Variants in GPHN observed in about 807,000 individuals in gnomAD.
The protein encoded by GPHN is gephyrin.
Under a neutral mutation model 95.5 loss-of-function variants are expected in GPHN, and 17 were observed. The ratio of observed to expected loss-of-function variants is 0.18; its 90% CI spans 0.12 to 0.27. The LOEUF (loss-of-function observed/expected upper bound fraction) is 0.27. Among genes scored for constraint, GPHN ranks in the 10% least tolerant of loss-of-function variants. The pLI is 1.00. For missense variants in GPHN, 660 were observed against 978.1 expected, an observed-to-expected ratio of 0.67 and a Z score of 4.34; for synonymous variants, 320 against 322.5, an observed-to-expected ratio of 0.99 and a Z score of 0.08.
chr14:67,698,355 C>G, the GPHN span, among the ~76,000 whole-genome samples: 1 of 152,136 alleles, frequency 6.6e-6, no homozygotes, highest in Admixed American at 6.5e-5. Flanking sequence ...AGTCCCAGCT[C>G]TTTGGGAGGC....
At chr14:67,158,474 C>T (rs534320856) in intron 18 of GPHN, among the ~76,000 whole-genome samples, 167 of 152,116 alleles carry the variant, frequency 1.1e-3, no homozygotes, top group African/African-American at 3.8e-3. Flanking sequence ...TCAGCAATCC[C>T]GGTGAGATGA....
chr14:67,390,894 A>G, the GPHN span: 1 of 711,924 alleles, frequency 1.4e-6, no homozygotes, highest in Non-Finnish European at 2.6e-6. Context: ...ACCTGAGGAT[A>G]GCAATGACAT....
chr14:66,609,697 G>A (rs1274547194), intron 1 of GPHN, among the ~76,000 whole-genome samples: 1 of 152,044 alleles, frequency 6.6e-6, no homozygotes, highest in Admixed American at 6.6e-5. Context: ...CAAGCTCTGA[G>A]CTTCTTTTCT....
At chr14:67,396,967 C>T in the GPHN span, among the ~76,000 whole-genome samples, 3 of 144,262 alleles carry the variant, frequency 2.1e-5, no homozygotes, top group South Asian at 6.5e-4. Context: ...TTTGAGGAGT[C>T]TCATTCTGTC....
intron 17 of GPHN, among the ~76,000 whole-genome samples, chr14:67,139,914 C>T (rs1009385799): frequency 6.6e-6 from 1 of 152,032 alleles, no homozygotes; most frequent in African/African-American, 2.4e-5. Flanking sequence ...GAATATACTA[C>T]CCACAGAGTA....
intron 3 of GPHN, among the ~76,000 whole-genome samples, chr14:66,785,687 C>T (rs1460781631): frequency 6.8e-6 from 1 of 147,498 alleles, no homozygotes; most frequent in East Asian, 2.0e-4. Context: ...CATAGTATGT[C>T]CTCTGACCAT....
chr14:67,123,155 A>G (rs533196384), intron 17 of GPHN, among the ~76,000 whole-genome samples: 1 of 152,350 alleles, frequency 6.6e-6, no homozygotes, highest in East Asian at 1.9e-4. Flanking sequence ...GATCTGAGTG[A>G]TAAATACTCA....
chr14:66,821,281 C>T (rs1439568992), intron 3 of GPHN, among the ~76,000 whole-genome samples: 1 of 152,144 alleles, frequency 6.6e-6, no homozygotes, highest in Non-Finnish European at 1.5e-5. Context: ...TAAAAAGACT[C>T]AGTATCTAAT....
chr14:67,473,227 CCCCA>C, the GPHN span: 1 of 711,346 alleles, frequency 1.4e-6, no homozygotes, highest in Non-Finnish European at 2.3e-6. The surrounding 1 kb of genome is among the most constrained non-coding windows in gnomAD (Gnocchi z 6.5). Context: ...TGCCTCCACA[CCCCA>C]TCCCCCAACA....
chr14:66,894,999 C>T (rs1185435690), intron 5 of GPHN, among the ~76,000 whole-genome samples: 1 of 152,178 alleles, frequency 6.6e-6, no homozygotes, highest in Non-Finnish European at 1.5e-5. Flanking sequence ...CCAGCCATCC[C>T]ATTACTGGGT....
chr14:67,640,884 G>A, the GPHN span, among the ~76,000 whole-genome samples: 1 of 152,204 alleles, frequency 6.6e-6, no homozygotes, highest in Non-Finnish European at 1.5e-5. Flanking sequence ...TAGAGGTTGA[G>A]CGTCCCTAAT....
chr14:66,617,211 G>C (rs961269364), intron 1 of GPHN, among the ~76,000 whole-genome samples: 13 of 152,240 alleles, frequency 8.5e-5, no homozygotes, highest in African/African-American at 3.1e-4. Context: ...AAATGGCTTA[G>C]ACAGCAGACA....
chr14:67,404,207 A>G, the GPHN span, among the ~76,000 whole-genome samples: 5 of 152,206 alleles, frequency 3.3e-5, no homozygotes, highest in South Asian at 2.1e-4. Context: ...AAGAATTCCA[A>G]TCCTAAGAGA....
the GPHN span, among the ~76,000 whole-genome samples, chr14:67,670,733 T>A: frequency 1.3e-5 from 2 of 152,184 alleles, no homozygotes; most frequent in East Asian, 3.9e-4. Context: ...TTCACCATGT[T>A]GACCAGGATG....
chr14:67,176,536 T>C (rs1595502658), intron 21 of GPHN, among the ~76,000 whole-genome samples: 1 of 152,200 alleles, frequency 6.6e-6, no homozygotes, highest in African/African-American at 2.4e-5. Flanking sequence ...CCTAAAATTC[T>C]CTTTTTTTGT....
the GPHN span, among the ~76,000 whole-genome samples, chr14:67,323,261 G>GTGTGTATATATA: frequency 0.073 from 9,005 of 123,920 alleles, 559 homozygotes; most frequent in African/African-American, 0.17. Context: ...GTGTGTGTGT[G>GTGTGTATATATA]TATATATATA....
At chr14:67,328,012 T>TG in the GPHN span, among the ~76,000 whole-genome samples, 1 of 152,226 alleles carries the variant, frequency 6.6e-6, no homozygotes, top group Non-Finnish European at 1.5e-5. Flanking sequence ...ATGGGATGGC[T>TG]GGGTCAAATG....
the GPHN span, among the ~76,000 whole-genome samples, chr14:67,607,568 T>C: frequency 6.6e-6 from 1 of 152,182 alleles, no homozygotes; most frequent in Non-Finnish European, 1.5e-5. Context: ...GGTTTCACCA[T>C]GTTGGCCAGG....
At chr14:67,478,261 G>A in the GPHN span, among the ~76,000 whole-genome samples, 1 of 152,206 alleles carries the variant, frequency 6.6e-6, no homozygotes, top group Non-Finnish European at 1.5e-5. Context: ...GTACAAGTGT[G>A]GTTCAAGACC....
Sources: gnomAD v4.1 joint callset for allele counts (sites outside exome capture counted in the v4.1 genomes callset) on GRCh38, gnomAD v4.1.1 for gene constraint, Gnocchi (gnomAD v3.1) non-coding constraint, MANE v1.5 for transcripts, NCBI Gene and HGNC (gene_info 2026-07-23, HGNC 2026-07-21) for gene names.